NKG7: variants seen among roughly 807,000 people sequenced by gnomAD.
NKG7 encodes natural killer cell granule protein 7.
A neutral mutation model predicts 14.7 loss-of-function variants in NKG7; 8 were observed. That is an observed-to-expected ratio of 0.54 (90% CI 0.32 to 0.98). The LOEUF is 0.98. Ranked by LOEUF, NKG7 falls within the 50% of genes least tolerant of loss-of-function variation. The probability of loss-of-function intolerance (pLI) is 0.04; values close to 1 mark genes in which losing one functional copy is unlikely to be tolerated. For synonymous variants in NKG7, 95 were observed against 90.7 expected, an observed-to-expected ratio of 1.05 and a Z score of -0.27; for missense variants, 215 against 211.1, an observed-to-expected ratio of 1.02 and a Z score of -0.11.
Position 51,371,684 on chromosome 19 carries a change from G to A in NKG7, c.*93C>T, listed in dbSNP as rs1006835985. The A allele has an allele frequency of 1.5e-6, 2 of 1,358,596 alleles. No homozygotes were observed. Among genetic ancestry groups the A allele is most frequent in the Non-Finnish European group, 1.0e-6 (1 of 996,682 alleles). 84.2% of individuals were successfully genotyped at this position (1,358,596 alleles called of 1,614,324 possible). Reference sequence around the variant, plus strand: ...GAGGGGCTGGGGAAGGGCTGGAAGGGCGGGCAGATGTGGGACCAGACTTTC... The same window carrying A: ...GAGGGGCTGGGGAAGGGCTGGAAGGACGGGCAGATGTGGGACCAGACTTTC... On this transcript the variant is annotated 3_prime_UTR_variant, in exon 4 of 4. Coordinates refer to ENST00000221978, the MANE Select transcript of NKG7 (RefSeq NM_005601.4). This position sits in a 1 kb window ranked among gnomAD's most constrained non-coding sequence, Gnocchi z 4.2.
Position 51,372,544 on chromosome 19 carries a change from G to A in NKG7, c.-9C>T. On this transcript the variant is annotated 5_prime_UTR_variant, in exon 1 of 4. Coordinates refer to ENST00000221978, the MANE Select transcript of NKG7 (RefSeq NM_005601.4). This position sits in a 1 kb window ranked among gnomAD's most constrained non-coding sequence, Gnocchi z 4.8. Reference sequence around the variant, plus strand: ...GACCGGCAGAGCTCCATGGGGATAAGCTCAGGGCTTCTGGGTCCTGGAGGA... The same window carrying A: ...GACCGGCAGAGCTCCATGGGGATAAACTCAGGGCTTCTGGGTCCTGGAGGA... The A allele has an allele frequency of 6.2e-7, 1 of 1,613,430 alleles. No individual in the cohort carries two copies. Among genetic ancestry groups the A allele is most frequent in the African/African-American group, 1.3e-5 (1 of 75,038 alleles).
chr19:51,371,692 A>G lies in NKG7; in HGVS notation c.*85T>C. On this transcript the variant is annotated 3_prime_UTR_variant, in exon 4 of 4. Coordinates refer to ENST00000221978, the MANE Select transcript of NKG7 (RefSeq NM_005601.4). This position sits in a 1 kb window ranked among gnomAD's most constrained non-coding sequence, Gnocchi z 4.2. ...GGGGAAGGGCTGGAAGGGCGGGCAG[A>G]TGTGGGACCAGACTTTCCCGAGGCT... 1 of 1,426,098 alleles carries G rather than the reference A, an allele frequency of 7.0e-7. No homozygotes were observed. The highest frequency in any genetic ancestry group is 9.5e-7 in the Non-Finnish European group (1 of 1,049,746). 88.3% of individuals were successfully genotyped at this position (1,426,098 alleles called of 1,614,324 possible).
rs1208527912 is a variant in NKG7 at position 51,372,085 on chromosome 19, G to A, written c.305-11C>T. ...CCACCATGGAGATGGCTGGGGACAAGGACAAGAGAGATGGCTCAGCTCCTC... is the reference window on the plus strand; with the variant it reads ...CCACCATGGAGATGGCTGGGGACAAAGACAAGAGAGATGGCTCAGCTCCTC... On this transcript the variant is annotated splice_polypyrimidine_tract_variant and intron_variant, in intron 2 of 3. Transcript: ENST00000221978. This position sits in a 1 kb window ranked among gnomAD's most constrained non-coding sequence, Gnocchi z 4.8. 1 of 1,604,374 alleles carries A rather than the reference G, an allele frequency of 6.2e-7. No individual in the cohort carries two copies. The highest frequency in any genetic ancestry group is 8.5e-7 in the Non-Finnish European group (1 of 1,173,882).
In NKG7 at chr19:51,372,446, C is replaced by G. The variant is rs1473889750; in HGVS notation, c.90G>C (p.Glu30Asp). Residue 30 changes from glutamate (E) to aspartate (D), a missense_variant, in exon 1 of 4, where the codon GAG (glutamate) becomes GAC (aspartate). Glu to Asp is a conservative substitution (Grantham distance 45). Coordinates refer to ENST00000221978, the MANE Select transcript of NKG7 (RefSeq NM_005601.4). This position sits in a 1 kb window ranked among gnomAD's most constrained non-coding sequence, Gnocchi z 4.8. Reference sequence around the variant, plus strand: ...GAGCTGAGTGGGTGGGACCCACAGCCTCAAACCAGAAATCGGTGCTCAAAG... The same window carrying G: ...GAGCTGAGTGGGTGGGACCCACAGCGTCAAACCAGAAATCGGTGCTCAAAG... ...LIALSTDFWFEAVGPTHSAHS... is the reference protein window; with the variant it reads ...LIALSTDFWFDAVGPTHSAHS... 6.2e-7 allele frequency: 1 copy of G among 1,614,222 alleles called. No individual in the cohort carries two copies. The highest frequency in any genetic ancestry group is 1.1e-5 in the South Asian group (1 of 91,088).
In NKG7 at chr19:51,372,472, CA is replaced by C; in HGVS notation, c.63del (p.Ile21MetfsTer3). On this transcript the variant is annotated frameshift_variant, in exon 1 of 4. Coordinates refer to ENST00000221978, the MANE Select transcript of NKG7 (RefSeq NM_005601.4). LOFTEE classifies it high-confidence loss of function. The surrounding 1 kb of genome is among the most constrained non-coding windows in gnomAD (Gnocchi z 4.8). Reference sequence around the variant, plus strand: ...TCAAACCAGAAATCGGTGCTCAAAGCAATCAGGCAGAACATCAGGCCCAGGG... The same window carrying C: ...TCAAACCAGAAATCGGTGCTCAAAGCATCAGGCAGAACATCAGGCCCAGGG... ...GGSLGLMFCLIALSTDFWFEA... is the reference protein window; with the variant it reads ...GGSLGLMFCLXALSTDFWFEA... 1 of 1,614,204 alleles carries C rather than the reference CA, an allele frequency of 6.2e-7. No homozygotes were observed. Among genetic ancestry groups the C allele is most frequent in the Non-Finnish European group, 8.5e-7 (1 of 1,180,040 alleles).
In NKG7 at chr19:51,372,628, C is replaced by A; in HGVS notation, c.-93G>T. ...GAGAGAAGGAGGCTGTGCACCCAGA[C>A]TCCTGGGTCCTTAGAGCCCAAGAAA... is the stretch of plus-strand genomic sequence containing the variant. On this transcript the variant is annotated 5_prime_UTR_variant, in exon 1 of 4. Transcript: ENST00000221978. This position sits in a 1 kb window ranked among gnomAD's most constrained non-coding sequence, Gnocchi z 4.8. The A allele has an allele frequency of 7.0e-7, 1 of 1,424,954 alleles. No individual in the cohort carries two copies. Among genetic ancestry groups the A allele is most frequent in the East Asian group, 2.4e-5 (1 of 40,820 alleles). The allele number at this position is 1,424,954 out of a possible 1,614,324, so 88.3% of individuals were successfully genotyped here.
chr19:51,371,753 C>T lies in NKG7; in HGVS notation c.*24G>A, dbSNP rs1986661990. 6.2e-7 allele frequency: 1 copy of T among 1,604,758 alleles called. No individual in the cohort carries two copies. The highest frequency in any genetic ancestry group is 8.5e-7 in the Non-Finnish European group (1 of 1,174,054). On this transcript the variant is annotated 3_prime_UTR_variant, in exon 4 of 4. Coordinates refer to ENST00000221978, the MANE Select transcript of NKG7 (RefSeq NM_005601.4). This position sits in a 1 kb window ranked among gnomAD's most constrained non-coding sequence, Gnocchi z 4.2. The stretch of plus-strand genomic sequence containing the variant: ...CCTTTGGAATACAACGCTCAAAACT[C>T]ATCTTGCCGCTCTTGCCTTCTGCTC...
Position 51,372,379 on chromosome 19 carries a change from C to T in NKG7, c.157G>A (p.Gly53Ser). ...WPTGHGDIISGYIHVTQTFSI... is the reference protein window; with the variant it reads ...WPTGHGDIISSYIHVTQTFSI... The stretch of plus-strand genomic sequence containing the variant: ...TCTGTAGGACACCCATTCCCCTTAC[C>T]TGATATGATGTCCCCATGCCCTGTT... The change falls in exon 1 of 4, where the codon GGC (glycine) becomes AGC (serine). Residue 53 changes from glycine (G) to serine (S), a missense_variant and splice_region_variant. Coordinates refer to ENST00000221978, the MANE Select transcript of NKG7 (RefSeq NM_005601.4). The surrounding 1 kb of genome is among the most constrained non-coding windows in gnomAD (Gnocchi z 4.8). The T allele has an allele frequency of 6.2e-7, 1 of 1,614,160 alleles. No homozygotes were observed. The highest frequency in any genetic ancestry group is 8.5e-7 in the Non-Finnish European group (1 of 1,180,008).
In NKG7 at chr19:51,372,436, G is replaced by C. The variant is rs926764194; in HGVS notation, c.100C>G (p.Pro34Ala). 1.9e-6 allele frequency: 3 copies of C among 1,614,200 alleles called. No homozygotes were observed. The Admixed American group carries it at 5.0e-5, about 27-fold the overall frequency. Residue 34 changes from proline (P) to alanine (A), a missense_variant, in exon 1 of 4, where the codon CCC becomes GCC. Physicochemically the swap from Pro to Ala is conservative, Grantham distance 27. Transcript: ENST00000221978. The surrounding 1 kb of genome is among the most constrained non-coding windows in gnomAD (Gnocchi z 4.8). Reference sequence around the variant, plus strand: ...AGGCCCGAGTGAGCTGAGTGGGTGGGACCCACAGCCTCAAACCAGAAATCG... The same window carrying C: ...AGGCCCGAGTGAGCTGAGTGGGTGGCACCCACAGCCTCAAACCAGAAATCG... ...STDFWFEAVG[P>A]THSAHSGLWP...
rs564722671 is a variant in NKG7, at chr19:51,372,416, C to G, written c.120G>C (p.Ser40=). Residue 40 remains serine, a synonymous_variant, in exon 1 of 4, where the codon TCG becomes TCC. Coordinates refer to ENST00000221978, the MANE Select transcript of NKG7 (RefSeq NM_005601.4). This position sits in a 1 kb window ranked among gnomAD's most constrained non-coding sequence, Gnocchi z 4.8. ...EAVGPTHSAH[S]GLWPTGHGDI... The stretch of plus-strand genomic sequence containing the variant: ...CCCCATGCCCTGTTGGCCAGAGGCC[C>G]GAGTGAGCTGAGTGGGTGGGACCCA... 3.3e-5 allele frequency: 54 copies of G among 1,614,078 alleles called. No homozygotes were observed. Among genetic ancestry groups the G allele is most frequent in the Admixed American group, 6.7e-5 (4 of 59,994 alleles).
chr19:51,371,920 G>A lies in NKG7; in HGVS notation c.439+20C>T, dbSNP rs756686593. ...CTGGACCCTCCCAAAGCTCCCCAGG[G>A]CAGTGGGCAGGATAGTCACCTGTAC... is the stretch of plus-strand genomic sequence containing the variant. On this transcript the variant is annotated intron_variant, in intron 3 of 3. Transcript: ENST00000221978. The surrounding 1 kb of genome is among the most constrained non-coding windows in gnomAD (Gnocchi z 4.2). The A allele has an allele frequency of 7.5e-6, 12 of 1,605,744 alleles. No homozygotes were observed. The South Asian group carries it at 1.3e-4, about 18-fold the overall frequency.
Position 51,372,282 on chromosome 19 carries a change from GA to G in NKG7, c.182del (p.Phe61SerfsTer13), listed in dbSNP as rs779577499. The G allele has an allele frequency of 6.8e-6, 11 of 1,613,032 alleles. No individual in the cohort carries two copies. The highest frequency in any genetic ancestry group is 8.5e-6 in the Non-Finnish European group (10 of 1,179,402). On this transcript the variant is annotated frameshift_variant, in exon 2 of 4. Transcript: ENST00000221978. LOFTEE classifies it high-confidence loss of function. The surrounding 1 kb of genome is among the most constrained non-coding windows in gnomAD (Gnocchi z 4.8). The stretch of plus-strand genomic sequence containing the variant: ...GGGCCCACAGAACAGCCATAATGCT[GA>G]AGGTCTGCGTCACGTGGATGTAGCC... ...ISGYIHVTQT[F>X]SIMAVLWALV...
In NKG7 at chr19:51,371,703, G is replaced by C; in HGVS notation, c.*74C>G. On this transcript the variant is annotated 3_prime_UTR_variant, in exon 4 of 4. Transcript: ENST00000221978. The surrounding 1 kb of genome is among the most constrained non-coding windows in gnomAD (Gnocchi z 4.2). ...GGAAGGGCGGGCAGATGTGGGACCA[G>C]ACTTTCCCGAGGCTCCAGATGAGGC... is the stretch of plus-strand genomic sequence containing the variant. 1.3e-6 allele frequency: 2 copies of C among 1,500,390 alleles called. No homozygotes were observed. Among genetic ancestry groups the C allele is most frequent in the Non-Finnish European group, 1.8e-6 (2 of 1,106,976 alleles). The allele number at this position is 1,500,390 out of a possible 1,614,324, so 92.9% of individuals were successfully genotyped here.
rs745338279 is a variant in NKG7, at chr19:51,372,159, A to G, written c.304+2T>C. ...TGCCCCAGTCCAGTCCAGAGTCCTTACCTGCAGCAAAGGCTGCGGTGGTTG... is the reference window on the plus strand; with the variant it reads ...TGCCCCAGTCCAGTCCAGAGTCCTTGCCTGCAGCAAAGGCTGCGGTGGTTG... On this transcript the variant is annotated splice_donor_variant, in intron 2 of 3. Coordinates refer to ENST00000221978, the MANE Select transcript of NKG7 (RefSeq NM_005601.4). LOFTEE classifies it high-confidence loss of function. This position sits in a 1 kb window ranked among gnomAD's most constrained non-coding sequence, Gnocchi z 4.8. 5.6e-6 allele frequency: 9 copies of G among 1,602,718 alleles called. No homozygotes were observed. Among genetic ancestry groups the G allele is most frequent in the Non-Finnish European group, 8.5e-7 (1 of 1,174,242 alleles).
Position 51,372,599 on chromosome 19 carries a change from C to T in NKG7, c.-64G>A, listed in dbSNP as rs1460152830. 8.3e-6 allele frequency: 13 copies of T among 1,567,214 alleles called. No homozygotes were observed. Among genetic ancestry groups the T allele is most frequent in the Non-Finnish European group, 9.5e-6 (11 of 1,158,180 alleles). ...GAGGCTGCTGATCAGACTCTTGAAT[C>T]TCAGAGAGAAGGAGGCTGTGCACCC... On this transcript the variant is annotated 5_prime_UTR_variant, in exon 1 of 4. Transcript: ENST00000221978. The surrounding 1 kb of genome is among the most constrained non-coding windows in gnomAD (Gnocchi z 4.8).
rs764548188 is a variant in NKG7 at position 51,372,104 on chromosome 19, G to C, written c.305-30C>G. ...GGACAAGGACAAGAGAGATGGCTCAGCTCCTCGGCAGGAATTCGCTGGCTC... is the reference window on the plus strand; with the variant it reads ...GGACAAGGACAAGAGAGATGGCTCACCTCCTCGGCAGGAATTCGCTGGCTC... On this transcript the variant is annotated intron_variant, in intron 2 of 3. Transcript: ENST00000221978. This position sits in a 1 kb window ranked among gnomAD's most constrained non-coding sequence, Gnocchi z 4.8. 1 of 1,596,192 alleles carries C rather than the reference G, an allele frequency of 6.3e-7. No individual in the cohort carries two copies. Among genetic ancestry groups the C allele is most frequent in the South Asian group, 1.1e-5 (1 of 89,038 alleles).
chr19:51,371,793 C>T lies in NKG7; in HGVS notation c.482G>A (p.Gly161Asp). The T allele has an allele frequency of 3.1e-6, 5 of 1,613,032 alleles. No homozygotes were observed. Among genetic ancestry groups the T allele is most frequent in the Non-Finnish European group, 4.2e-6 (5 of 1,179,340 alleles). The change falls in exon 4 of 4, where the codon GGC becomes GAC. Residue 161 changes from glycine to aspartate, a missense_variant. By Grantham distance (94) the Gly-to-Asp change is moderately conservative. Transcript: ENST00000221978. The surrounding 1 kb of genome is among the most constrained non-coding windows in gnomAD (Gnocchi z 4.2). ...LGAHCGGPRP[G>D]YETL The stretch of plus-strand genomic sequence containing the variant: ...GCCTTCTGCTCACAAGGTTTCATAG[C>T]CAGGACGGGGACCGCCACAGTGAGC...
chr19:51,371,771 T>C lies in NKG7; in HGVS notation c.*6A>G. The C allele has an allele frequency of 6.2e-7, 1 of 1,611,030 alleles. No homozygotes were observed. The highest frequency in any genetic ancestry group is 8.5e-7 in the Non-Finnish European group (1 of 1,177,980). On this transcript the variant is annotated 3_prime_UTR_variant, in exon 4 of 4. Transcript: ENST00000221978. The surrounding 1 kb of genome is among the most constrained non-coding windows in gnomAD (Gnocchi z 4.2). ...CAAAACTCATCTTGCCGCTCTTGCC[T>C]TCTGCTCACAAGGTTTCATAGCCAG...
chr19:51,371,773 C>T lies in NKG7; in HGVS notation c.*4G>A, dbSNP rs543320185. ...AAACTCATCTTGCCGCTCTTGCCTT[C>T]TGCTCACAAGGTTTCATAGCCAGGA... is the stretch of plus-strand genomic sequence containing the variant. On this transcript the variant is annotated 3_prime_UTR_variant, in exon 4 of 4. Coordinates refer to ENST00000221978, the MANE Select transcript of NKG7 (RefSeq NM_005601.4). This position sits in a 1 kb window ranked among gnomAD's most constrained non-coding sequence, Gnocchi z 4.2. 1 of 1,611,050 alleles carries T rather than the reference C, an allele frequency of 6.2e-7. No individual in the cohort carries two copies. Among genetic ancestry groups the T allele is most frequent in the East Asian group, 2.2e-5 (1 of 44,826 alleles).
Sources: allele counts gnomAD v4.1 joint callset, GRCh38; gene constraint gnomAD v4.1.1; non-coding constraint Gnocchi (gnomAD v3.1); transcripts MANE v1.5; gene names NCBI Gene and HGNC (gene_info 2026-07-23, HGNC 2026-07-21).